Variants in TIAM1 observed in about 807,000 individuals in gnomAD.
TIAM1 encodes the protein TIAM Rac1 associated GEF 1, also known as rho guanine nucleotide exchange factor TIAM1.
A neutral mutation model predicts 163.5 loss-of-function variants in TIAM1; 65 were observed. The observed-to-expected ratio is 0.40, with a 90% CI of 0.33 to 0.49. The LOEUF (loss-of-function observed/expected upper bound fraction) is 0.49. Ranked by LOEUF, TIAM1 falls within the 20% of genes least tolerant of loss-of-function variation. The probability of loss-of-function intolerance (pLI) is 0.77; values close to 1 mark genes in which losing one functional copy is unlikely to be tolerated. For synonymous variants in TIAM1, 833 were observed against 810.1 expected (o/e 1.03, Z -0.48); for missense variants, 1,789 against 2,044.7 (o/e 0.87, Z 2.41).
chr21:31,394,728 T>TCTCTCTCTCTCACACACACA (rs1279053911), intron 2 of TIAM1, among the ~76,000 whole-genome samples: 1 of 95,704 alleles, frequency 1.0e-5, no homozygotes, highest in African/African-American at 4.1e-5. Context: ...TCTCTCTCTC[T>TCTCTCTCTCTCACACACACA]CACACACACA....
chr21:31,328,309 C>T (rs2075562577), intron 2 of TIAM1, among the ~76,000 whole-genome samples: 2 of 152,120 alleles, frequency 1.3e-5, no homozygotes, highest in Admixed American at 6.6e-5. Flanking sequence ...ACTCAACCAA[C>T]CGTAGATCAA....
intron 9 of TIAM1, among the ~76,000 whole-genome samples, chr21:31,214,021 A>T (rs1207871426): frequency 1.3e-5 from 2 of 151,988 alleles, no homozygotes; most frequent in Non-Finnish European, 2.9e-5. Context: ...GTCCCAAAAA[A>T]AGTAAAAAGA....
chr21:31,266,654 AAG>A lies in TIAM1; in HGVS notation c.317_318del (p.Ser106PhefsTer24). ...CTGCTGTCTACGCTGGGAGTGACAG[AAG>A]AGTCAGTGTAAGACACAGGTCTCAA... ...MGLRPVSYTD[S>X]SVTPSVDSSI... On this transcript the variant is annotated frameshift_variant, in exon 4 of 28. Transcript: ENST00000541036. LOFTEE classifies it high-confidence loss of function. 1 of 1,614,214 alleles carries A rather than the reference AAG, an allele frequency of 6.2e-7. No individual in the cohort carries two copies. The highest frequency in any genetic ancestry group is 8.5e-7 in the Non-Finnish European group (1 of 1,180,046).
At chr21:31,506,109 C>G (rs1308386855) in intron 1 of TIAM1, among the ~76,000 whole-genome samples, 1 of 151,918 alleles carries the variant, frequency 6.6e-6, no homozygotes, top group Non-Finnish European at 1.5e-5. Flanking sequence ...TGATTACAAC[C>G]CAGGCACTGA....
At chr21:31,129,088 C>G (rs1266506425) in intron 25 of TIAM1, among the ~76,000 whole-genome samples, 1 of 152,198 alleles carries the variant, frequency 6.6e-6, no homozygotes. Flanking sequence ...TTTACCAAAG[C>G]TGCACCTGCT....
At chr21:31,358,164 T>C (rs976234333) in intron 2 of TIAM1, among the ~76,000 whole-genome samples, 8 of 152,186 alleles carry the variant, frequency 5.3e-5, no homozygotes, top group African/African-American at 1.9e-4. Context: ...GGGTAGGCCA[T>C]ATCTGGTGAC....
intron 4 of TIAM1, among the ~76,000 whole-genome samples, 178 bp downstream of exon 4, chr21:31,265,832 C>CT (rs2072728094): frequency 6.6e-6 from 1 of 152,146 alleles, no homozygotes; most frequent in Admixed American, 6.5e-5. Context: ...CCACAGAACT[C>CT]TAAGAGGGGC....
At chr21:31,173,732 TCA>T (rs758008891) in intron 15 of TIAM1, among the ~76,000 whole-genome samples, 25 of 152,328 alleles carry the variant, frequency 1.6e-4, no homozygotes, top group Non-Finnish European at 2.8e-4. Context: ...TCACAAAATC[TCA>T]GTCTTTGTTT....
intron 1 of TIAM1, among the ~76,000 whole-genome samples, chr21:31,524,104 A>G (rs903549989): frequency 2.6e-5 from 4 of 152,040 alleles, no homozygotes; most frequent in Non-Finnish European, 5.9e-5. Flanking sequence ...CTCAGGATAC[A>G]CTTCCAAGAC....
At chr21:31,196,919 G>C (rs1476268368) in intron 12 of TIAM1, among the ~76,000 whole-genome samples, 1 of 152,096 alleles carries the variant, frequency 6.6e-6, no homozygotes, top group Non-Finnish European at 1.5e-5. Flanking sequence ...CCATGAAAAA[G>C]AACAAAATCA....
chr21:31,137,173 A>G (rs988479844), intron 22 of TIAM1, among the ~76,000 whole-genome samples: 5 of 152,232 alleles, frequency 3.3e-5, no homozygotes, highest in Admixed American at 6.5e-5. Context: ...CCTATACAGC[A>G]GCAACCTGGC....
chr21:31,291,340 C>T (rs1306428012), intron 2 of TIAM1, among the ~76,000 whole-genome samples: 1 of 152,130 alleles, frequency 6.6e-6, no homozygotes, highest in Non-Finnish European at 1.5e-5. Flanking sequence ...AACAAAAAAG[C>T]TTAATCTTCC....
At chr21:31,160,403 T>C in intron 16 of TIAM1, 1 of 398,534 alleles carries the variant, frequency 2.5e-6, no homozygotes, top group Non-Finnish European at 4.4e-6. Context: ...CATAACACAA[T>C]CAAACCTAGC....
intron 4 of TIAM1, among the ~76,000 whole-genome samples, chr21:31,254,627 G>A (rs773423923): frequency 1.2e-4 from 19 of 152,234 alleles, no homozygotes; most frequent in Non-Finnish European, 2.6e-4. Flanking sequence ...TTGAGTCCAG[G>A]AAGTGGAGGT....
In TIAM1 at chr21:31,395,524, C is replaced by T. The variant is rs139801178; in HGVS notation, c.-368-56102G>A. ...CCAATCACCAGATACGCCACAGAGG[C>T]GAAGAGAAGGGCCAACCCTGCATTT... is the stretch of plus-strand genomic sequence containing the variant. On this transcript the variant is annotated intron_variant, in intron 2 of 28. Transcript: ENST00000286827. This position sits in a 1 kb window ranked among gnomAD's most constrained non-coding sequence, Gnocchi z 7.5. Among the ~76,000 whole-genome samples, 29 of 152,230 alleles carry T rather than the reference C, an allele frequency of 1.9e-4. No individual in the cohort carries two copies. The highest frequency in any genetic ancestry group is 1.5e-3 in the South Asian group (7 of 4,820).
At chr21:31,468,705 G>A (rs1383161172) in intron 1 of TIAM1, among the ~76,000 whole-genome samples, 2 of 152,114 alleles carry the variant, frequency 1.3e-5, no homozygotes, top group Non-Finnish European at 2.9e-5. Context: ...GAACCCGGGA[G>A]GCGGAACTTG....
chr21:31,225,538 T>C (rs547612579), intron 7 of TIAM1, among the ~76,000 whole-genome samples, 188 bp downstream of exon 7: 24 of 152,162 alleles, frequency 1.6e-4, no homozygotes, highest in Middle Eastern at 6.8e-3. Flanking sequence ...CGTTTAGCTA[T>C]TAACAATCAG....
At chr21:31,434,824 G>T (rs2044156773) in intron 2 of TIAM1, among the ~76,000 whole-genome samples, 1 of 152,200 alleles carries the variant, frequency 6.6e-6, no homozygotes, top group Admixed American at 6.5e-5. Context: ...TAACAGCTTG[G>T]CCGTCCCAGT....
chr21:31,547,777 T>C (rs1051271585), intron 1 of TIAM1, among the ~76,000 whole-genome samples: 2 of 152,202 alleles, frequency 1.3e-5, no homozygotes, highest in Non-Finnish European at 2.9e-5. Flanking sequence ...CAATGCTCGA[T>C]AAACTGCTTA....
Sources: allele counts gnomAD v4.1 joint callset (sites outside exome capture counted in the v4.1 genomes callset), GRCh38; gene constraint gnomAD v4.1.1; non-coding constraint Gnocchi (gnomAD v3.1); transcripts MANE v1.5; gene names NCBI Gene and HGNC (gene_info 2026-07-23, HGNC 2026-07-21).